MTREX: variants seen among roughly 807,000 people sequenced by gnomAD.
MTREX encodes Mtr4 exosome RNA helicase, also known as exosome RNA helicase MTR4.
Under a neutral mutation model 135.4 loss-of-function variants are expected in MTREX, and 76 were observed. The ratio of observed to expected loss-of-function variants is 0.56; its 90% CI spans 0.47 to 0.68. The LOEUF is 0.68. Among genes scored for constraint, MTREX ranks in the 30% least tolerant of loss-of-function variants. The probability of loss-of-function intolerance (pLI) is 0.00; values close to 1 mark genes in which losing one functional copy is unlikely to be tolerated. For synonymous variants in MTREX, 404 were observed against 401.6 expected, an observed-to-expected ratio of 1.01 and a Z score of -0.07; for missense variants, 920 against 1,262.1, an observed-to-expected ratio of 0.73 and a Z score of 4.11.
chr5:55,403,158 A>G (rs1750750603), intron 21 of MTREX, among the ~76,000 whole-genome samples: 1 of 152,056 alleles, frequency 6.6e-6, no homozygotes, highest in African/African-American at 2.4e-5. Flanking sequence ...CCATGGTTGC[A>G]CGACTGTACT....
At chr5:55,386,173 A>G (rs1561204924) in intron 18 of MTREX, among the ~76,000 whole-genome samples, 1 of 152,198 alleles carries the variant, frequency 6.6e-6, no homozygotes, top group South Asian at 2.1e-4. Context: ...TGTAATTGTA[A>G]TTGTCAATGT....
At chr5:55,376,678 G>A (rs938133252) in intron 16 of MTREX, among the ~76,000 whole-genome samples, 1 of 152,172 alleles carries the variant, frequency 6.6e-6, no homozygotes, top group African/African-American at 2.4e-5. Context: ...ATAGTGCTAG[G>A]CTACTCTTGC....
At chr5:55,337,951 G>A (rs1451341441) in intron 5 of MTREX, among the ~76,000 whole-genome samples, 3 of 151,972 alleles carry the variant, frequency 2.0e-5, no homozygotes, top group African/African-American at 4.8e-5. Flanking sequence ...CTAAATCACA[G>A]TCACAATTTA....
chr5:55,310,682 A>G (rs1749098337), intron 1 of MTREX, among the ~76,000 whole-genome samples: 1 of 152,148 alleles, frequency 6.6e-6, no homozygotes, highest in Non-Finnish European at 1.5e-5. Context: ...TGTGATTCTC[A>G]TCTGATCTGT....
chr5:55,417,568 G>A (rs187006521), intron 25 of MTREX, among the ~76,000 whole-genome samples: 4 of 152,304 alleles, frequency 2.6e-5, no homozygotes, highest in Non-Finnish European at 4.4e-5. Flanking sequence ...CCTAGATGAT[G>A]TTTAGCAACA....
Position 55,410,617 on chromosome 5 carries a change from G to A in MTREX, c.2739G>A (p.Val913=), listed in dbSNP as rs1437151670. ...EQATALLSCF[V]FQENSSEMPK... is the part of the protein sequence containing the mutation. The stretch of plus-strand genomic sequence containing the variant: ...CAACAGCATTATTAAGCTGCTTTGT[G>A]TTTCAAGAGAATGTAAGTTAATTGA... Residue 913 remains valine (V), a synonymous_variant, in exon 23 of 27, where the codon GTG becomes GTA. Coordinates refer to ENST00000230640, the MANE Select transcript of MTREX (RefSeq NM_015360.5). 1.3e-6 allele frequency: 2 copies of A among 1,599,396 alleles called. No homozygotes were observed. Among genetic ancestry groups the A allele is most frequent in the East Asian group, 2.2e-5 (1 of 44,470 alleles).
chr5:55,341,827 AT>A, intron 7 of MTREX, 56 bp downstream of exon 7: 1 of 889,688 alleles, frequency 1.1e-6, no homozygotes. Context: ...GACATTAGGA[AT>A]TTTGAGCAAG....
At chr5:55,414,262 T>TTTTTAAA in intron 24 of MTREX, 24 bp downstream of exon 24, 1 of 1,431,950 alleles carries the variant, frequency 7.0e-7, no homozygotes, top group Non-Finnish European at 9.4e-7. Context: ...TTTTTTTTTT[T>TTTTTAAA]GAACTACATA....
chr5:55,415,700 G>C (rs1240237866), intron 24 of MTREX, among the ~76,000 whole-genome samples: 1 of 152,152 alleles, frequency 6.6e-6, no homozygotes, highest in African/African-American at 2.4e-5. Flanking sequence ...GAAGAGTTCT[G>C]TTTCTTTGTT....
chr5:55,327,565 G>T (rs1263100520), intron 3 of MTREX, 151 bp from the exon 4 acceptor site: 1 of 590,422 alleles, frequency 1.7e-6, no homozygotes, highest in African/African-American at 1.9e-5. Context: ...CTTAAAGACA[G>T]TTATTTGATT....
intron 5 of MTREX, among the ~76,000 whole-genome samples, chr5:55,338,034 A>G (rs190847261): frequency 6.4e-4 from 97 of 152,216 alleles, no homozygotes; most frequent in African/African-American, 2.2e-3. Context: ...ATATATTTCA[A>G]CTACATATGC....
rs1202815817 is a variant in MTREX at position 55,383,335 on chromosome 5, G to T, written c.2052+4140G>T. 5.3e-5 allele frequency among the ~76,000 whole-genome samples: 8 copies of T among 151,956 alleles called. No homozygotes were observed. In the East Asian group the frequency reaches 1.5e-3, roughly 29 times the overall value. On this transcript the variant is annotated intron_variant, in intron 18 of 26. Coordinates refer to ENST00000230640, the MANE Select transcript of MTREX (RefSeq NM_015360.5). ...ATTTTAGCCTGCAGAACTTCTTTTT[G>T]TGTTTCTTGTAAGGTGGATCTGCCA...
intron 23 of MTREX, among the ~76,000 whole-genome samples, chr5:55,411,652 A>G (rs1579901375): frequency 6.6e-6 from 1 of 152,160 alleles, no homozygotes; most frequent in Non-Finnish European, 1.5e-5. Flanking sequence ...GTTAGTGGCA[A>G]TGATAACAAA....
chr5:55,325,110 T>C (rs767633661), intron 3 of MTREX, among the ~76,000 whole-genome samples: 12 of 152,184 alleles, frequency 7.9e-5, no homozygotes, highest in Non-Finnish European at 1.5e-4. Context: ...AAATTTTTTA[T>C]TATAAACATT....
At chr5:55,343,654 C>G (rs1749687006) in intron 8 of MTREX, among the ~76,000 whole-genome samples, 199 bp downstream of exon 8, 1 of 152,188 alleles carries the variant, frequency 6.6e-6, no homozygotes, top group Non-Finnish European at 1.5e-5. Context: ...TGAGCCCCAT[C>G]TCAAACCCAC....
At chr5:55,333,536 A>G (rs753865089) in intron 5 of MTREX, among the ~76,000 whole-genome samples, 1 of 151,952 alleles carries the variant, frequency 6.6e-6, no homozygotes, top group African/African-American at 2.4e-5. Context: ...AAGAGGAGAG[A>G]TTTTTCTGTA....
At chr5:55,351,642 A>G (rs1477029169) in intron 13 of MTREX, among the ~76,000 whole-genome samples, 2 of 152,236 alleles carry the variant, frequency 1.3e-5, no homozygotes, top group Non-Finnish European at 2.9e-5. Context: ...TTCTGCATAC[A>G]GAATAAAAGG....
At position 55,425,065 on chromosome 5, in the gene MTREX, A is replaced by G. The variant is rs1211768804; in HGVS notation, c.*293A>G. ...GAGTTAAAGGTAACTATGTACACACAAAGTGTGCATCCAAGAGGCATAGCA... is the reference window on the plus strand; with the variant it reads ...GAGTTAAAGGTAACTATGTACACACGAAGTGTGCATCCAAGAGGCATAGCA... On this transcript the variant is annotated 3_prime_UTR_variant, in exon 27 of 27. Coordinates refer to ENST00000230640, the MANE Select transcript of MTREX (RefSeq NM_015360.5). The G allele has an allele frequency of 1.7e-5, 19 of 1,144,940 alleles. No individual in the cohort carries two copies. The highest frequency in any genetic ancestry group is 2.6e-4 in the Middle Eastern group (1 of 3,902). 70.9% of individuals were successfully genotyped at this position (1,144,940 alleles called of 1,614,324 possible).
chr5:55,327,819 ACT>A (rs1561187513), intron 4 of MTREX, 41 bp downstream of exon 4: 4 of 1,382,874 alleles, frequency 2.9e-6, no homozygotes, highest in South Asian at 2.5e-5. Context: ...GTTTCGTGAG[ACT>A]CTCTTTTTCT....
Sources: gnomAD v4.1 joint callset for allele counts (sites outside exome capture counted in the v4.1 genomes callset) on GRCh38, gnomAD v4.1.1 for gene constraint, MANE v1.5 for transcripts, NCBI Gene and HGNC (gene_info 2026-07-23, HGNC 2026-07-21) for gene names.